The following NRG2 variants were observed in gnomAD, a reference collection of about 807,000 sequenced individuals.
The protein encoded by NRG2 is neuregulin 2, also known as pro-neuregulin-2, membrane-bound isoform.
A neutral mutation model predicts 73.9 loss-of-function variants in NRG2; 27 were observed. The observed-to-expected ratio is 0.37, with a 90% CI of 0.27 to 0.50. The LOEUF (loss-of-function observed/expected upper bound fraction) is 0.50. Ranked by LOEUF, NRG2 falls within the 20% of genes least tolerant of loss-of-function variation. The pLI is 0.96. For missense variants in NRG2, 1,126 were observed against 1,210.1 expected (o/e 0.93, Z 1.03); for synonymous variants, 532 against 541.0 (o/e 0.98, Z 0.23).
chr5:139,861,984 A>G (rs1347135939), intron 5 of NRG2, among the ~76,000 whole-genome samples: 1 of 152,188 alleles, frequency 6.6e-6, no homozygotes, highest in East Asian at 1.9e-4. Context: ...GCTGGGGCCC[A>G]GTGATGCTAG....
intron 1 of NRG2, among the ~76,000 whole-genome samples, chr5:140,014,306 G>A (rs924216002): frequency 3.3e-5 from 5 of 151,828 alleles, no homozygotes; most frequent in Admixed American, 6.6e-5. Flanking sequence ...GTGAAATCTC[G>A]GTTCACAGCA....
intron 1 of NRG2, among the ~76,000 whole-genome samples, chr5:139,975,247 A>G (rs569557607): frequency 5.9e-5 from 9 of 152,324 alleles, no homozygotes; most frequent in Admixed American, 1.3e-4. Context: ...CTTTCTGGTG[A>G]AAAGGGAAAA....
chr5:140,039,209 A>G (rs779361356), intron 1 of NRG2, among the ~76,000 whole-genome samples: 8 of 152,248 alleles, frequency 5.3e-5, no homozygotes, highest in Non-Finnish European at 8.8e-5. Flanking sequence ...AAAAACATGA[A>G]TATAAGAAAA....
chr5:139,959,768 C>A (rs1473168175), intron 1 of NRG2, among the ~76,000 whole-genome samples: 1 of 152,194 alleles, frequency 6.6e-6, no homozygotes, highest in Non-Finnish European at 1.5e-5. Context: ...CCACCTCAGC[C>A]TCCTAAAGTG....
At chr5:139,992,814 C>CT (rs1226601090) in intron 1 of NRG2, among the ~76,000 whole-genome samples, 4 of 152,170 alleles carry the variant, frequency 2.6e-5, no homozygotes, top group African/African-American at 9.7e-5. Context: ...CCCCTCCTTC[C>CT]TTCTGCCCAA....
chr5:139,984,290 C>T (rs759515302), intron 1 of NRG2, among the ~76,000 whole-genome samples: 118 of 152,152 alleles, frequency 7.8e-4, no homozygotes, highest in Non-Finnish European at 1.2e-3. Flanking sequence ...ATTTTGGTGC[C>T]TTCCAGTGAT....
chr5:139,968,251 T>C (rs568169796), intron 1 of NRG2, among the ~76,000 whole-genome samples: 1 of 151,724 alleles, frequency 6.6e-6, no homozygotes, highest in East Asian at 1.9e-4. Flanking sequence ...AGGGAAGATG[T>C]GGAAGTGACA....
intron 1 of NRG2, among the ~76,000 whole-genome samples, chr5:139,962,160 TC>T (rs1561711717): frequency 6.6e-6 from 1 of 151,738 alleles, no homozygotes; most frequent in South Asian, 2.1e-4. Flanking sequence ...TCCCTCAAGC[TC>T]CCCCTGCTCA....
intron 5 of NRG2, chr5:139,861,617 T>G (rs1762148862): frequency 2.2e-6 from 1 of 446,836 alleles, no homozygotes; most frequent in African/African-American, 2.0e-5. Context: ...GGAGTGACCT[T>G]GACGTTTTGG....
intron 1 of NRG2, among the ~76,000 whole-genome samples, chr5:139,960,874 G>A (rs1473617279): frequency 6.6e-6 from 1 of 152,226 alleles, no homozygotes; most frequent in Non-Finnish European, 1.5e-5. Flanking sequence ...AGTCACGGAT[G>A]CAGGAGGAGA....
At chr5:139,973,101 A>G (rs1222189042) in intron 1 of NRG2, among the ~76,000 whole-genome samples, 2 of 140,076 alleles carry the variant, frequency 1.4e-5, no homozygotes, top group African/African-American at 5.2e-5. Flanking sequence ...TAACATACAT[A>G]TCTTTAGTCT....
Position 139,848,130 on chromosome 5 carries a change from G to C in NRG2, c.2340C>G (p.Asp780Glu). ...CCAGCGCCCCGTCCGCGTCGTCCGC[G>C]TCGTCGTCCGACGCCGAGGCTGAGC... is the stretch of plus-strand genomic sequence containing the variant. The part of the protein sequence containing the change: ...GGGSASASDD[D>E]ADDADGALAA... The change falls in exon 10 of 10, where the codon GAC becomes GAG. Residue 780 changes from aspartate (D) to glutamate (E), a missense_variant. Physicochemically the swap from Asp to Glu is conservative, Grantham distance 45. Around this residue, in one of 3 missense-constraint regions of NRG2, gnomAD observed 402 missense variants for 357.8 expected, o/e 1.12. Coordinates refer to ENST00000361474, the MANE Select transcript of NRG2 (RefSeq NM_004883.3). The C allele has an allele frequency of 6.8e-7, 1 of 1,469,886 alleles. No homozygotes were observed. The allele number at this position is 1,469,886 out of a possible 1,614,324, so 91.1% of individuals were successfully genotyped here.
Position 139,852,916 on chromosome 5 carries a change from G to T in NRG2, c.1404C>A (p.Ile468=), listed in dbSNP as rs1359199001. The T allele has an allele frequency of 6.2e-7, 1 of 1,613,154 alleles. No homozygotes were observed. Among genetic ancestry groups the T allele is most frequent in the Non-Finnish European group, 8.5e-7 (1 of 1,179,714 alleles). The change falls in exon 7 of 10, where the codon ATC becomes ATA. Residue 468 remains isoleucine, a synonymous_variant. Coordinates refer to ENST00000361474, the MANE Select transcript of NRG2 (RefSeq NM_004883.3). This position sits in a 1 kb window ranked among gnomAD's most constrained non-coding sequence, Gnocchi z 4.4. ...PSHPRLDPEE[I]QMADYISKNV... is the part of the protein sequence containing the mutation. ...GAAAGCCACTCACATCTGCCATCTG[G>T]ATCTCCTCTGGGTCCAGCCGGGGGT...
intron 1 of NRG2, among the ~76,000 whole-genome samples, chr5:139,914,348 T>C (rs1014137369): frequency 1.1e-4 from 17 of 152,156 alleles, no homozygotes; most frequent in Admixed American, 9.8e-4. Context: ...CCCACACCTG[T>C]GCCCTCAGGT....
chr5:139,968,660 C>CCT (rs1451694582), intron 1 of NRG2, among the ~76,000 whole-genome samples: 8 of 152,214 alleles, frequency 5.3e-5, no homozygotes, highest in Non-Finnish European at 8.8e-5. Flanking sequence ...CGTTCGGCGG[C>CCT]CTTTCACTGA....
intron 1 of NRG2, among the ~76,000 whole-genome samples, chr5:139,939,695 A>C (rs1417215976): frequency 6.6e-6 from 1 of 152,270 alleles, no homozygotes; most frequent in Non-Finnish European, 1.5e-5. Context: ...CAAAGGAGAA[A>C]TTGGAAAACA....
At chr5:140,031,316 TACAA>T (rs1457885920) in intron 1 of NRG2, among the ~76,000 whole-genome samples, 4 of 152,066 alleles carry the variant, frequency 2.6e-5, no homozygotes, top group African/African-American at 9.7e-5. Flanking sequence ...GTAAAACCCA[TACAA>T]ACAGACTGTG....
At chr5:140,029,687 CAA>C (rs34122778) in intron 1 of NRG2, among the ~76,000 whole-genome samples, 28 of 61,260 alleles carry the variant, frequency 4.6e-4, no homozygotes, top group African/African-American at 5.4e-4. Context: ...GACTCTGTCT[CAA>C]AAAAAAAAAA....
intron 1 of NRG2, among the ~76,000 whole-genome samples, chr5:139,969,462 A>T (rs1561717491): frequency 6.6e-6 from 1 of 152,232 alleles, no homozygotes; most frequent in Non-Finnish European, 1.5e-5. Flanking sequence ...CCTCACTGGC[A>T]GCCTTCAAAA....
Sources: allele counts gnomAD v4.1 joint callset (sites outside exome capture counted in the v4.1 genomes callset), GRCh38; gene constraint gnomAD v4.1.1; regional missense constraint gnomAD v4.1.1; non-coding constraint Gnocchi (gnomAD v3.1); transcripts MANE v1.5; gene names NCBI Gene and HGNC (gene_info 2026-07-23, HGNC 2026-07-21).